Variants in DCST2 observed in about 807,000 individuals in gnomAD.
DCST2 encodes the protein DC-STAMP domain containing 2, also known as DC-STAMP domain-containing protein 2.
A neutral mutation model predicts 81.8 loss-of-function variants in DCST2; 64 were observed. The observed-to-expected ratio is 0.78, with a 90% CI of 0.64 to 0.96. The LOEUF (loss-of-function observed/expected upper bound fraction) is 0.96, where lower values mean the gene tolerates loss of function less well. DCST2 is among the 40% of genes least tolerant of loss of function. DCST2 has a pLI of 0.00. For missense variants in DCST2, 945 were observed against 1,001.4 expected, an observed-to-expected ratio of 0.94 and a Z score of 0.76; for synonymous variants, 354 against 402.6, an observed-to-expected ratio of 0.88 and a Z score of 1.44.
chr1:155,030,221 C>A lies in DCST2; in HGVS notation c.1040G>T (p.Cys347Phe). 1 of 1,614,146 alleles carries A rather than the reference C, an allele frequency of 6.2e-7. No individual in the cohort carries two copies. The highest frequency in any genetic ancestry group is 8.5e-7 in the Non-Finnish European group (1 of 1,180,016). ...LYLQALFYRY[C>F]YLNWDHYDNI... is the part of the protein sequence containing the mutation. ...GTCATAATGGTCCCAGTTCAGGTAA[C>A]AATACCGGTAAAATAGGGCTCTGGG... The change falls in exon 7 of 15, where the codon TGT becomes TTT. Residue 347 changes from cysteine to phenylalanine, a missense_variant. By Grantham distance (205) the Cys-to-Phe change is radical. Transcript: ENST00000368424.
At position 155,029,369 on chromosome 1, in the gene DCST2, C is replaced by A. The variant is rs770965710; in HGVS notation, c.1206G>T (p.Lys402Asn). ...PGSIFLSQWE[K>N]FFYILETFNL... ...TGAAGGTCTCCAGAATGTAAAAAAA[C>A]TTCTCCCATTGGGACAAGAAGATGG... The change falls in exon 8 of 15, where the codon AAG becomes AAT. Residue 402 changes from lysine to asparagine, a missense_variant. Coordinates refer to ENST00000368424, the MANE Select transcript of DCST2 (RefSeq NM_144622.3). 1 of 1,614,090 alleles carries A rather than the reference C, an allele frequency of 6.2e-7. No homozygotes were observed. The highest frequency in any genetic ancestry group is 8.5e-7 in the Non-Finnish European group (1 of 1,180,000).
Position 155,026,571 on chromosome 1 carries a change from T to A in DCST2, c.1487A>T (p.Asp496Val), listed in dbSNP as rs935265817. ...ACCAATGACTATGTAGCCAGTGCTGTCAGGCTCCGAGGGACGAAGGAGACA... is the reference window on the plus strand; with the variant it reads ...ACCAATGACTATGTAGCCAGTGCTGACAGGCTCCGAGGGACGAAGGAGACA... ...RRCLLRPSEP[D>V]STGYIVIGVM... Residue 496 changes from aspartate (D) to valine (V), a missense_variant, in exon 9 of 15, where the codon GAC becomes GTC. Transcript: ENST00000368424. The A allele has an allele frequency of 6.2e-7, 1 of 1,614,062 alleles. No individual in the cohort carries two copies. The highest frequency in any genetic ancestry group is 8.5e-7 in the Non-Finnish European group (1 of 1,180,044).
chr1:155,026,290 C>T lies in DCST2; in HGVS notation c.1611+12G>A, dbSNP rs1264720236. 3.7e-6 allele frequency: 6 copies of T among 1,613,216 alleles called. No individual in the cohort carries two copies. Among genetic ancestry groups the T allele is most frequent in the East Asian group, 4.5e-5 (2 of 44,886 alleles). ...GGGGGCAGGGACTAGCTCCCAGCCCCGGACCCCTCACCTGCTCCCGGGATG... is the reference window on the plus strand; with the variant it reads ...GGGGGCAGGGACTAGCTCCCAGCCCTGGACCCCTCACCTGCTCCCGGGATG... On this transcript the variant is annotated intron_variant, in intron 10 of 14. Transcript: ENST00000368424.
At chr1:155,021,102 C>A (rs1399010580) in intron 14 of DCST2, among the ~76,000 whole-genome samples, 2 of 151,992 alleles carry the variant, frequency 1.3e-5, no homozygotes, top group African/African-American at 2.4e-5. Flanking sequence ...CAGGTTCAAT[C>A]AATTCTCCTG....
At chr1:155,029,157 G>A (rs1659995868) in intron 8 of DCST2, 76 bp downstream of exon 8, 6 of 1,536,182 alleles carry the variant, frequency 3.9e-6, no homozygotes, top group Non-Finnish European at 5.3e-6. Flanking sequence ...AGGCTTGGGA[G>A]CAGGCGGGGA....
intron 10 of DCST2, among the ~76,000 whole-genome samples, chr1:155,025,749 AGTGCAGTG>A (rs1659886122): frequency 6.6e-6 from 1 of 151,672 alleles, no homozygotes; most frequent in Middle Eastern, 3.2e-3. Flanking sequence ...ACCAGGCTGG[AGTGCAGTG>A]GTGCAATCAT....
intron 2 of DCST2, 104 bp downstream of exon 2, chr1:155,032,990 G>T: frequency 7.5e-7 from 1 of 1,326,950 alleles, no homozygotes; most frequent in Middle Eastern, 2.6e-4. Flanking sequence ...CAGATGCTCC[G>T]CGATTAGCAC....
At position 155,023,869 on chromosome 1, in the gene DCST2, C is replaced by T; in HGVS notation, c.1833G>A (p.Met611Ile). The change falls in exon 12 of 15, where the codon ATG becomes ATA. Residue 611 changes from methionine (M) to isoleucine (I), a missense_variant. By Grantham distance (10) the Met-to-Ile change is conservative. Coordinates refer to ENST00000368424, the MANE Select transcript of DCST2 (RefSeq NM_144622.3). ...GCGQPQDEGDMENTVSCSTPG... is the reference protein window; with the variant it reads ...GCGQPQDEGDIENTVSCSTPG... ...GGGTACTGCAGGACACAGTGTTCTC[C>T]ATGTCTCCCTCATCCTGGGGCTGCC... 6.2e-7 allele frequency: 1 copy of T among 1,613,722 alleles called. No homozygotes were observed. The highest frequency in any genetic ancestry group is 8.5e-7 in the Non-Finnish European group (1 of 1,179,948).
intron 14 of DCST2, among the ~76,000 whole-genome samples, chr1:155,019,087 C>T (rs1659667359): frequency 6.6e-6 from 1 of 152,164 alleles, no homozygotes; most frequent in African/African-American, 2.4e-5. Flanking sequence ...CCCTCTAGAA[C>T]CTCTGAAAAG....
chr1:155,024,162 G>A (rs899732084), intron 11 of DCST2, among the ~76,000 whole-genome samples: 9 of 152,074 alleles, frequency 5.9e-5, no homozygotes, highest in African/African-American at 1.4e-4. Flanking sequence ...CCCACCTTAC[G>A]GGGAGAGGGA....
intron 5 of DCST2, 162 bp from the exon 6 acceptor site, chr1:155,030,807 T>G: frequency 1.5e-6 from 1 of 688,328 alleles, no homozygotes; most frequent in Non-Finnish European, 2.4e-6. Flanking sequence ...GGACAAAGCC[T>G]CCACGTATCT....
Position 155,033,548 on chromosome 1 carries a change from G to A in DCST2, c.154C>T (p.Pro52Ser), listed in dbSNP as rs1191557053. The stretch of plus-strand genomic sequence containing the variant: ...AGGGTGCCCACCAGGCAACCCCAGG[G>A]GCTGTGGCCTTCCACCAGTAGCTCC... ...LLELLVEGHS[P>S]WGCLVGTLTL... The change falls in exon 1 of 15, where the codon CCC becomes TCC. Residue 52 changes from proline to serine, a missense_variant. Transcript: ENST00000368424. The A allele has an allele frequency of 1.2e-6, 2 of 1,614,128 alleles. No homozygotes were observed. Among genetic ancestry groups the A allele is most frequent in the Admixed American group, 3.3e-5 (2 of 60,030 alleles).
intron 14 of DCST2, among the ~76,000 whole-genome samples, chr1:155,021,870 T>C (rs1659767026): frequency 6.6e-6 from 1 of 151,142 alleles, no homozygotes; most frequent in Non-Finnish European, 1.5e-5. Context: ...TGGTCTTTTT[T>C]TTTTTTTTGG....
chr1:155,026,289 C>T lies in DCST2; in HGVS notation c.1611+13G>A, dbSNP rs976317374. ...AGGGGGCAGGGACTAGCTCCCAGCC[C>T]CGGACCCCTCACCTGCTCCCGGGAT... On this transcript the variant is annotated intron_variant, in intron 10 of 14. Coordinates refer to ENST00000368424, the MANE Select transcript of DCST2 (RefSeq NM_144622.3). 3.7e-6 allele frequency: 6 copies of T among 1,613,312 alleles called. No homozygotes were observed. The highest frequency in any genetic ancestry group is 4.2e-6 in the Non-Finnish European group (5 of 1,179,914).
At chr1:155,030,270 G>A in intron 6 of DCST2, 29 bp from the exon 7 acceptor site, 1 of 1,613,690 alleles carries the variant, frequency 6.2e-7, no homozygotes, top group African/African-American at 1.3e-5. Flanking sequence ...GCACATGTGA[G>A]GCCCCTTAGG....
At chr1:155,025,866 TTTTC>T (rs1659891636) in intron 10 of DCST2, among the ~76,000 whole-genome samples, 1 of 151,874 alleles carries the variant, frequency 6.6e-6, no homozygotes, top group African/African-American at 2.4e-5. Flanking sequence ...TTTTCTTTTT[TTTTC>T]TTTCTTTCTT....
Position 155,023,829 on chromosome 1 carries a change from C to T in DCST2, c.1870+3G>A. The T allele has an allele frequency of 3.7e-6, 6 of 1,613,386 alleles. No individual in the cohort carries two copies. Among genetic ancestry groups the T allele is most frequent in the Middle Eastern group, 1.6e-4 (1 of 6,062 alleles). ...GAGAGGCACACGCCCCAGGGGGTCTCACCTTGGCAGCCGGGGGTACTGCAG... is the reference window on the plus strand; with the variant it reads ...GAGAGGCACACGCCCCAGGGGGTCTTACCTTGGCAGCCGGGGGTACTGCAG... On this transcript the variant is annotated splice_donor_region_variant and intron_variant, in intron 12 of 14. Coordinates refer to ENST00000368424, the MANE Select transcript of DCST2 (RefSeq NM_144622.3).
rs1334607754 is a variant in DCST2, at chr1:155,023,107, T to A, written c.2105+10A>T. 6.2e-7 allele frequency: 1 copy of A among 1,609,802 alleles called. No homozygotes were observed. The highest frequency in any genetic ancestry group is 8.5e-7 in the Non-Finnish European group (1 of 1,179,686). ...CAATTCCCAGGTGCCAACTCCTGCT[T>A]CCTGCTCACCTGGACTCGGAAGTGG... On this transcript the variant is annotated intron_variant, in intron 14 of 14. Transcript: ENST00000368424.
At chr1:155,032,913 C>A (rs1660142173) in intron 2 of DCST2, 145 bp from the exon 3 acceptor site, 6 of 1,024,658 alleles carry the variant, frequency 5.9e-6, no homozygotes, top group Non-Finnish European at 5.7e-6. Context: ...GATCGTTAAT[C>A]TGGGAGTGGA....
Sources: allele counts gnomAD v4.1 joint callset (sites outside exome capture counted in the v4.1 genomes callset), GRCh38; gene constraint gnomAD v4.1.1; transcripts MANE v1.5; gene names NCBI Gene and HGNC (gene_info 2026-07-23, HGNC 2026-07-21).